The following RBFOX1 variants were observed in gnomAD, a reference collection of about 807,000 sequenced individuals.
RBFOX1 encodes RNA binding fox-1 homolog 1, also known as RNA binding protein fox-1 homolog 1.
In RBFOX1, 8 loss-of-function variants were observed where a neutral mutation model predicts 57.7. The observed-to-expected ratio is 0.14, with a 90% CI of 0.08 to 0.25. The LOEUF is 0.25. Among genes scored for constraint, RBFOX1 ranks in the 10% least tolerant of loss-of-function variants. The pLI is 1.00. For missense variants in RBFOX1, 611 were observed against 548.5 expected, an observed-to-expected ratio of 1.11 and a Z score of -1.14; for synonymous variants, 326 against 222.4, an observed-to-expected ratio of 1.47 and a Z score of -4.15.
intron 1 of RBFOX1, among the ~76,000 whole-genome samples, chr16:5,398,207 A>C (rs939365563): frequency 6.6e-6 from 1 of 152,092 alleles, no homozygotes; most frequent in East Asian, 1.9e-4. Flanking sequence ...ATGTGTGTAC[A>C]TGTGTGGACA....
chr16:6,432,112 C>G (rs1381805895), intron 2 of RBFOX1, among the ~76,000 whole-genome samples: 2 of 151,956 alleles, frequency 1.3e-5, no homozygotes, highest in African/African-American at 4.8e-5. Flanking sequence ...TAGGTGCATA[C>G]CATCAGGCCT....
chr16:7,551,617 G>C (rs1215894008), intron 5 of RBFOX1, among the ~76,000 whole-genome samples: 1 of 152,142 alleles, frequency 6.6e-6, no homozygotes, highest in African/African-American at 2.4e-5. Flanking sequence ...ACTAAAAAGG[G>C]TAATGCAGTG....
intron 3 of RBFOX1, among the ~76,000 whole-genome samples, chr16:6,785,983 C>T (rs143982895): frequency 0.011 from 1,660 of 152,260 alleles, 21 homozygotes; most frequent in Middle Eastern, 0.02. Context: ...ACCATCCTTC[C>T]AAATAGCTGC....
intron 2 of RBFOX1, among the ~76,000 whole-genome samples, chr16:5,535,045 G>A (rs931938317): frequency 2.6e-5 from 4 of 152,194 alleles, no homozygotes; most frequent in Admixed American, 2.6e-4. Flanking sequence ...CTATCCTCAT[G>A]GGGCTTAGAT....
intron 2 of RBFOX1, among the ~76,000 whole-genome samples, chr16:5,571,618 C>T (rs536859153): frequency 6.2e-4 from 94 of 152,204 alleles, no homozygotes; most frequent in African/African-American, 1.5e-3. Context: ...CACTTCCTGG[C>T]GCCATGCTTC....
chr16:7,339,370 G>A (rs2096850653), intron 4 of RBFOX1, among the ~76,000 whole-genome samples: 1 of 152,178 alleles, frequency 6.6e-6, no homozygotes, highest in Admixed American at 6.5e-5. Context: ...CTAACACATG[G>A]GAAAAGCTAG....
chr16:7,549,452 G>A (rs2085644470), intron 5 of RBFOX1, among the ~76,000 whole-genome samples: 1 of 152,178 alleles, frequency 6.6e-6, no homozygotes, highest in Non-Finnish European at 1.5e-5. Flanking sequence ...GAACTAATAG[G>A]ATAGATGTAT....
At position 5,867,300 on chromosome 16, in the gene RBFOX1, C is replaced by G. The variant is rs1356893529; in HGVS notation, c.319-3C>G. ...CTAATGTCTTTTTTTGTTTAACTTG[C>G]AGGTTTCGGCAAGTCAGGCTACAGG... On this transcript the variant is annotated splice_polypyrimidine_tract_variant and splice_region_variant and intron_variant, in intron 3 of 19. Coordinates refer to the RBFOX1 transcript ENST00000641259. 1.0e-5 allele frequency: 12 copies of G among 1,203,308 alleles called. No homozygotes were observed. The East Asian group carries it at 1.6e-4, about 16-fold the overall frequency. 74.5% of individuals were successfully genotyped at this position (1,203,308 alleles called of 1,614,324 possible). A position where few individuals can be genotyped will look rare whatever the true frequency, so the allele number is the denominator to read the frequency against.
At chr16:6,153,886 A>T (rs2096820232) in intron 1 of RBFOX1, among the ~76,000 whole-genome samples, 1 of 152,208 alleles carries the variant, frequency 6.6e-6, no homozygotes, top group Non-Finnish European at 1.5e-5. Flanking sequence ...CTCACTGATG[A>T]GTGAGAACAT....
At chr16:5,635,910 A>G (rs1261462067) in intron 3 of RBFOX1, among the ~76,000 whole-genome samples, 1 of 152,194 alleles carries the variant, frequency 6.6e-6, no homozygotes, top group African/African-American at 2.4e-5. Context: ...AAGGGGTGAT[A>G]TCAAAACTAT....
chr16:7,522,311 C>T (rs565380503), intron 5 of RBFOX1, among the ~76,000 whole-genome samples: 9 of 152,088 alleles, frequency 5.9e-5, no homozygotes, highest in African/African-American at 1.4e-4. Flanking sequence ...GGAGAGCTCA[C>T]GGGGTGGGGT....
chr16:6,829,859 C>A (rs1376754967), intron 3 of RBFOX1, among the ~76,000 whole-genome samples: 1 of 152,144 alleles, frequency 6.6e-6, no homozygotes, highest in Non-Finnish European at 1.5e-5. Context: ...GCCTTGGCCT[C>A]CCAAAGTGCT....
At position 6,890,561 on chromosome 16, in the gene RBFOX1, G is replaced by A. The variant is rs1283674347; in HGVS notation, c.-15-161496G>A. ...CCAAACCCAAAGAATGTTTGAATGG[G>A]TTGTGAGGATGGTAAAGTGATAGAT... On this transcript the variant is annotated intron_variant, in intron 3 of 15. Transcript: ENST00000550418. Among the ~76,000 whole-genome samples the A allele has an allele frequency of 2.0e-5, 3 of 152,180 alleles. No homozygotes were observed. The East Asian group carries it at 5.8e-4, about 29-fold the overall frequency.
At chr16:6,271,388 A>AGCGACAGAG (rs2075197886) in intron 1 of RBFOX1, among the ~76,000 whole-genome samples, 1 of 151,990 alleles carries the variant, frequency 6.6e-6, no homozygotes, top group Non-Finnish European at 1.5e-5. Context: ...TGACCACTGC[A>AGCGACAGAG]CTTCAGCTGG....
intron 3 of RBFOX1, among the ~76,000 whole-genome samples, chr16:5,656,495 CTTG>C (rs1183809850): frequency 6.6e-6 from 1 of 152,138 alleles, no homozygotes; most frequent in Non-Finnish European, 1.5e-5. Context: ...ACATATACAA[CTTG>C]TTAAGTTTGG....
At chr16:7,088,214 G>C (rs566034560) in intron 4 of RBFOX1, among the ~76,000 whole-genome samples, 1 of 152,282 alleles carries the variant, frequency 6.6e-6, no homozygotes, top group South Asian at 2.1e-4. Context: ...AAAAGGTCTA[G>C]GGAAGTCGGG....
intron 4 of RBFOX1, among the ~76,000 whole-genome samples, chr16:7,146,820 C>T (rs961443206): frequency 6.7e-6 from 1 of 149,984 alleles, no homozygotes; most frequent in Non-Finnish European, 1.5e-5. Flanking sequence ...GGATGTGGCA[C>T]ATGCCTGTAG....
At chr16:5,952,680 T>C (rs759522543) in intron 4 of RBFOX1, among the ~76,000 whole-genome samples, 35 of 152,328 alleles carry the variant, frequency 2.3e-4, no homozygotes, top group Non-Finnish European at 4.4e-4. Flanking sequence ...ATTCTCCCGC[T>C]TCAGAATGCC....
At chr16:5,710,999 C>T (rs1002034062) in intron 3 of RBFOX1, among the ~76,000 whole-genome samples, 1 of 152,132 alleles carries the variant, frequency 6.6e-6, no homozygotes, top group Non-Finnish European at 1.5e-5. Context: ...TTGTGCCTGA[C>T]CCTAGGGTAA....
Sources: allele counts gnomAD v4.1 joint callset (sites outside exome capture counted in the v4.1 genomes callset), GRCh38; gene constraint gnomAD v4.1.1; transcripts MANE v1.5; gene names NCBI Gene and HGNC (gene_info 2026-07-23, HGNC 2026-07-21).